The following WDR20 variants were observed in gnomAD, a reference collection of about 807,000 sequenced individuals.
The protein encoded by WDR20 is WD repeat domain 20.
Under a neutral mutation model 38.7 loss-of-function variants are expected in WDR20, and 3 were observed. The ratio of observed to expected loss-of-function variants is 0.08; its 90% CI spans 0.04 to 0.20. The LOEUF is 0.20. WDR20 is among the 10% of genes least tolerant of loss of function. WDR20 has a pLI of 1.00. For missense variants in WDR20, 559 were observed against 727.7 expected (o/e 0.77, Z 2.67); for synonymous variants, 298 against 285.6 (o/e 1.04, Z -0.44).
intron 1 of WDR20, among the ~76,000 whole-genome samples, chr14:102,142,909 T>C (rs2051978854): frequency 6.6e-6 from 1 of 151,144 alleles, no homozygotes; most frequent in Admixed American, 6.7e-5. Context: ...AGAAAATAGG[T>C]CTTTTAAAGA....
intron 1 of WDR20, chr14:102,167,353 T>G (rs2059958388): frequency 6.6e-6 from 1 of 152,260 alleles, no homozygotes; most frequent in African/African-American, 2.4e-5. Context: ...TAGCTAGGAC[T>G]GTGGACATGT....
At chr14:102,173,874 C>G (rs2061510520) in intron 1 of WDR20, among the ~76,000 whole-genome samples, 2 of 152,014 alleles carry the variant, frequency 1.3e-5, no homozygotes, top group South Asian at 4.1e-4. Flanking sequence ...GAAACCCCAT[C>G]TCTACTAAAA....
At position 102,222,024 on chromosome 14, in the gene WDR20, G is replaced by A. The variant is rs2153070949; in HGVS notation, c.1693-806G>A. Among the ~76,000 whole-genome samples the A allele has an allele frequency of 6.6e-6, 1 of 152,302 alleles. No individual in the cohort carries two copies. The highest frequency in any genetic ancestry group is 1.9e-4 in the East Asian group (1 of 5,186). On this transcript the variant is annotated intron_variant, in intron 3 of 3. Transcript: ENST00000335263. This position sits in a 1 kb window ranked among gnomAD's most constrained non-coding sequence, Gnocchi z 4.4. ...TGGAAGTACTCTTTGCTGTGTAGGA[G>A]GTTAAACCCTCTTAGGTTTACCCAA...
chr14:102,155,026 CTGAGTT>C (rs1190085729), intron 1 of WDR20, among the ~76,000 whole-genome samples: 1 of 152,186 alleles, frequency 6.6e-6, no homozygotes, highest in Non-Finnish European at 1.5e-5. Context: ...CCCAGCAGTT[CTGAGTT>C]TAAAATAGAC....
At chr14:102,155,479 G>A (rs1252227626) in intron 1 of WDR20, among the ~76,000 whole-genome samples, 1 of 152,116 alleles carries the variant, frequency 6.6e-6, no homozygotes, top group African/African-American at 2.4e-5. Flanking sequence ...AGCAGTGTGG[G>A]AATTTTCAAA....
At chr14:102,218,452 C>G (rs1380465274), downstream of WDR20, among the ~76,000 whole-genome samples, 3 of 152,230 alleles carry the variant, frequency 2.0e-5, no homozygotes, top group Non-Finnish European at 1.5e-5. Flanking sequence ...GCCTGTGGCC[C>G]TCACAGTCCT....
downstream of WDR20, chr14:102,212,739 TGC>T: frequency 7.0e-7 from 1 of 1,421,470 alleles, no homozygotes; most frequent in Non-Finnish European, 9.2e-7. Flanking sequence ...TAAGGTGCAA[TGC>T]GTGCTGCTAA....
rs372917736 is a variant in WDR20, at chr14:102,209,376, T to C, written c.1206T>C (p.Asn402=). The part of the protein sequence containing the change: ...QPLSRARTHT[N]VMNATSPPAG... ...TCTCAAGAGCAAGGACACACACAAATGTCATGAATGCCACGAGTCCTCCTG... is the reference window on the plus strand; with the variant it reads ...TCTCAAGAGCAAGGACACACACAAACGTCATGAATGCCACGAGTCCTCCTG... The change falls in exon 3 of 3, where the codon AAT becomes AAC. Residue 402 remains asparagine (N), a synonymous_variant. Transcript: ENST00000342702. The surrounding 1 kb of genome is among the most constrained non-coding windows in gnomAD (Gnocchi z 6.0). 6.7e-5 allele frequency: 108 copies of C among 1,613,948 alleles called. No homozygotes were observed. The highest frequency in any genetic ancestry group is 8.5e-5 in the Non-Finnish European group (100 of 1,180,026).
chr14:102,212,717 A>G, downstream of WDR20: 7 of 1,477,562 alleles, frequency 4.7e-6, no homozygotes, highest in South Asian at 1.3e-5. Flanking sequence ...GTGGTTCCTG[A>G]TATCAGGTGT....
At chr14:102,139,511 G>A (rs2050194461), upstream of WDR20, 4 of 1,231,846 alleles carry the variant, frequency 3.2e-6, 1 homozygote, top group South Asian at 6.2e-5. Context: ...GGGCAGGGCG[G>A]GAGACCGCTG....
At chr14:102,213,433 T>C (rs2062809239), downstream of WDR20, 6 of 985,340 alleles carry the variant, frequency 6.1e-6, no homozygotes, top group Admixed American at 3.7e-4. Context: ...TTGGAAGTGT[T>C]TTCCTGTGAA....
intron 1 of WDR20, among the ~76,000 whole-genome samples, chr14:102,187,417 G>A (rs72698546): frequency 4.1e-4 from 63 of 152,092 alleles, no homozygotes; most frequent in African/African-American, 1.3e-3. Flanking sequence ...GCTGGGGGGG[G>A]GCTCAGGAGG....
chr14:102,147,266 A>G (rs2053986669), intron 1 of WDR20, among the ~76,000 whole-genome samples: 1 of 152,170 alleles, frequency 6.6e-6, no homozygotes, highest in African/African-American at 2.4e-5. Flanking sequence ...ATGGTGGCGC[A>G]TGCCTGTAAT....
intron 1 of WDR20, among the ~76,000 whole-genome samples, chr14:102,159,448 T>G (rs1157495691): frequency 6.6e-6 from 1 of 152,198 alleles, no homozygotes; most frequent in Non-Finnish European, 1.5e-5. Context: ...TAAATCTGCA[T>G]TCTAAGACAA....
downstream of WDR20, among the ~76,000 whole-genome samples, chr14:102,218,282 T>A (rs946419606): frequency 2.6e-5 from 4 of 152,184 alleles, no homozygotes; most frequent in Non-Finnish European, 4.4e-5. Context: ...CAGCCCACAC[T>A]CTCATCCACA....
At chr14:102,205,983 TTTG>T (rs1319171334) in intron 2 of WDR20, among the ~76,000 whole-genome samples, 3 of 152,122 alleles carry the variant, frequency 2.0e-5, no homozygotes, top group South Asian at 2.1e-4. Context: ...ACTGTTTTTT[TTTG>T]TTGTTGTTTC....
chr14:102,156,884 G>A (rs1431635963), intron 1 of WDR20, among the ~76,000 whole-genome samples: 1 of 152,100 alleles, frequency 6.6e-6, no homozygotes, highest in Non-Finnish European at 1.5e-5. Flanking sequence ...ACAGAAACTT[G>A]GGAGGCTAAG....
rs1339933717 is a variant in WDR20, at chr14:102,222,741, A to T, written c.1693-89A>T. 10 of 1,431,764 alleles carry T rather than the reference A, an allele frequency of 7.0e-6. No individual in the cohort carries two copies. The Admixed American group carries it at 1.2e-4, about 17-fold the overall frequency. The allele number at this position is 1,431,764 out of a possible 1,614,324, so 88.7% of individuals were successfully genotyped here. The stretch of plus-strand genomic sequence containing the variant: ...TTCCACATCAACAGCACCAGTTTTG[A>T]CCACGTGGAGCTGCTGGCGGAGGGC... On this transcript the variant is annotated intron_variant, in intron 3 of 3. Transcript: ENST00000335263. This position sits in a 1 kb window ranked among gnomAD's most constrained non-coding sequence, Gnocchi z 4.4.
downstream of WDR20, chr14:102,214,499 T>A: frequency 1.0e-6 from 1 of 985,482 alleles, no homozygotes; most frequent in Non-Finnish European, 1.2e-6. Flanking sequence ...CTCACTGATG[T>A]TGATTTCTTT....
Sources: allele counts gnomAD v4.1 joint callset (sites outside exome capture counted in the v4.1 genomes callset), GRCh38; gene constraint gnomAD v4.1.1; non-coding constraint Gnocchi (gnomAD v3.1); transcripts MANE v1.5; gene names NCBI Gene and HGNC (gene_info 2026-07-23, HGNC 2026-07-21).